The following PMS1 variants were observed in gnomAD, a reference collection of about 807,000 sequenced individuals.
PMS1 encodes PMS1 protein homolog 1.
PMS1 carries 79 observed loss-of-function variants against 93.1 expected under a neutral mutation model. That is an observed-to-expected ratio of 0.85 (90% CI 0.71 to 1.02). The LOEUF is 1.02. PMS1 is among the 50% of genes least tolerant of loss of function. The probability of loss-of-function intolerance (pLI) is 0.00; values close to 1 mark genes in which losing one functional copy is unlikely to be tolerated. For synonymous variants in PMS1, 335 were observed against 363.4 expected, an observed-to-expected ratio of 0.92 and a Z score of 0.89; for missense variants, 1,064 against 1,085.3, an observed-to-expected ratio of 0.98 and a Z score of 0.28.
In PMS1 at chr2:189,864,073, T is replaced by A. The variant is rs1336704986; in HGVS notation, c.2187T>A (p.Asn729Lys). 6.2e-7 allele frequency: 1 copy of A among 1,613,628 alleles called. No individual in the cohort carries two copies. The highest frequency in any genetic ancestry group is 8.5e-7 in the Non-Finnish European group (1 of 1,179,674). The part of the protein sequence containing the change: ...EEKDEPCLIH[N>K]LRFPDAWLMT... ...AGGATGAACCTTGCTTGATCCACAA[T>A]CTCAGGTTTCCTGATGCATGGCTAA... The change falls in exon 10 of 13, where the codon AAT becomes AAA. Residue 729 changes from asparagine to lysine, a missense_variant. Physicochemically the swap from Asn to Lys is moderately conservative, Grantham distance 94. Transcript: ENST00000441310.
At chr2:189,821,456 CAA>C (rs779436688) in intron 5 of PMS1, among the ~76,000 whole-genome samples, 12 of 91,956 alleles carry the variant, frequency 1.3e-4, no homozygotes, top group Non-Finnish European at 9.9e-5. Flanking sequence ...GACTCCGTCT[CAA>C]AAAAAAAAAA....
intron 1 of PMS1, among the ~76,000 whole-genome samples, chr2:189,786,741 C>A (rs1033815740): frequency 1.3e-5 from 2 of 152,108 alleles, no homozygotes; most frequent in Non-Finnish European, 2.9e-5. Context: ...TATTATCAAA[C>A]AAGAAATATA....
chr2:189,822,662 C>T (rs537645312), intron 5 of PMS1, among the ~76,000 whole-genome samples: 118 of 152,236 alleles, frequency 7.8e-4, no homozygotes, highest in African/African-American at 2.6e-3. Flanking sequence ...AAGATGTTGT[C>T]GTTAGTGATG....
intron 9 of PMS1, among the ~76,000 whole-genome samples, chr2:189,859,672 A>AT (rs1289260748): frequency 1.3e-5 from 2 of 151,538 alleles, no homozygotes; most frequent in South Asian, 2.1e-4. Flanking sequence ...ACCCAGTGTA[A>AT]TTTTTTTTTA....
At chr2:189,786,998 A>G (rs1311466948) in intron 1 of PMS1, among the ~76,000 whole-genome samples, 1 of 152,204 alleles carries the variant, frequency 6.6e-6, no homozygotes, top group Admixed American at 6.5e-5. Context: ...GGCTGCAGTG[A>G]GCGGAGATTG....
chr2:189,847,390 T>A (rs983776810), intron 6 of PMS1, among the ~76,000 whole-genome samples: 1 of 152,150 alleles, frequency 6.6e-6, no homozygotes, highest in African/African-American at 2.4e-5. Context: ...TTTTCTCCTA[T>A]TGTTTTTTCT....
chr2:189,813,717 A>T (rs1308117611), intron 4 of PMS1, among the ~76,000 whole-genome samples: 1 of 152,234 alleles, frequency 6.6e-6, no homozygotes, highest in African/African-American at 2.4e-5. Context: ...ATTGAAATTG[A>T]TGGCACCAGA....
At chr2:189,827,485 TC>T (rs2052535678) in intron 5 of PMS1, among the ~76,000 whole-genome samples, 1 of 152,246 alleles carries the variant, frequency 6.6e-6, no homozygotes, top group Admixed American at 6.5e-5. Context: ...ACTTAGAAGT[TC>T]TACTGAGTTC....
rs1313910202 is a variant in PMS1 at position 189,844,081 on chromosome 2, G to T, written c.699+1G>T. On this transcript the variant is annotated splice_donor_variant, in intron 6 of 12. Transcript: ENST00000441310. LOFTEE classifies it high-confidence loss of function. Reference sequence around the variant, plus strand: ...TCAGTACCACTCTGAAGAATCTCAGGTATACTGCAAAAACATTCTCAGATA... The same window carrying T: ...TCAGTACCACTCTGAAGAATCTCAGTTATACTGCAAAAACATTCTCAGATA... 1.2e-6 allele frequency: 2 copies of T among 1,613,458 alleles called. No individual in the cohort carries two copies. Among genetic ancestry groups the T allele is most frequent in the Non-Finnish European group, 1.7e-6 (2 of 1,179,872 alleles).
rs912051705 is a variant in PMS1 at position 189,818,160 on chromosome 2, A to T, written c.562A>T (p.Ile188Phe). The change falls in exon 5 of 13, where the codon ATT (isoleucine) becomes TTT (phenylalanine). Residue 188 changes from isoleucine (I) to phenylalanine (F), a missense_variant. Transcript: ENST00000441310. ...SFGILKPDLR[I>F]VFVHNKAVIW... ...TGGTATCCTTAAACCTGACTTAAGGATTGTCTTTGTACATAACAAGGTAAA... is the reference window on the plus strand; with the variant it reads ...TGGTATCCTTAAACCTGACTTAAGGTTTGTCTTTGTACATAACAAGGTAAA... 30 of 1,600,934 alleles carry T rather than the reference A, an allele frequency of 1.9e-5. No homozygotes were observed. The highest frequency in any genetic ancestry group is 2.6e-5 in the Non-Finnish European group (30 of 1,168,888).
intron 5 of PMS1, among the ~76,000 whole-genome samples, chr2:189,819,735 T>A (rs2051660733): frequency 6.6e-6 from 1 of 152,198 alleles, no homozygotes; most frequent in South Asian, 2.1e-4. Context: ...TTTGTTTTTG[T>A]TTTTTGAGCT....
At chr2:189,871,277 A>C (rs1164744798) in intron 11 of PMS1, among the ~76,000 whole-genome samples, 2 of 152,200 alleles carry the variant, frequency 1.3e-5, no homozygotes, top group Admixed American at 1.3e-4. Flanking sequence ...TGGGCCACAC[A>C]TAAAATATAC....
At chr2:189,807,123 T>G in intron 4 of PMS1, 1 of 171,650 alleles carries the variant, frequency 5.8e-6, no homozygotes, top group East Asian at 1.1e-4. Flanking sequence ...CCAAATTCTC[T>G]CACTCATTCA....
In PMS1 at chr2:189,867,873, C is replaced by G. The variant is rs55859858; in HGVS notation, c.2417C>G (p.Thr806Ser). Residue 806 changes from threonine (T) to serine (S), a missense_variant, in exon 11 of 13, where the codon ACT becomes AGT. Physicochemically the swap from Thr to Ser is moderately conservative, Grantham distance 58. Transcript: ENST00000441310. Reference protein sequence around the residue: ...TADDQRYSGSTYLSDPRLTAN... With the variant: ...TADDQRYSGSSYLSDPRLTAN... ...GATGACCAAAGATACAGTGGATCAA[C>G]TTACCTGTCTGATCCTCGTCTTACA... 2,007 of 1,596,392 alleles carry G rather than the reference C, an allele frequency of 1.3e-3. 29 individuals carry two copies. The African/African-American group carries it at 0.022, about 17-fold the overall frequency.
rs576983064 is a variant in PMS1 at position 189,865,448 on chromosome 2, G to A, written c.2342+1220G>A. 4.6e-5 allele frequency among the ~76,000 whole-genome samples: 7 copies of A among 152,192 alleles called. No individual in the cohort carries two copies. The South Asian group carries it at 1.5e-3, about 32-fold the overall frequency. On this transcript the variant is annotated intron_variant, in intron 10 of 12. Coordinates refer to ENST00000441310, the MANE Select transcript of PMS1 (RefSeq NM_000534.5). ...TCTGATGAATCTACTTAATAGGTTG[G>A]CTATATGCTTCATATTTCATCACAT...
intron 11 of PMS1, among the ~76,000 whole-genome samples, chr2:189,872,063 C>T (rs2057196641): frequency 6.6e-6 from 1 of 152,066 alleles, no homozygotes; most frequent in African/African-American, 2.4e-5. Flanking sequence ...TGCCCCATGA[C>T]CCAATGCACC....
At chr2:189,802,003 C>T (rs896934172) in intron 3 of PMS1, among the ~76,000 whole-genome samples, 1 of 152,186 alleles carries the variant, frequency 6.6e-6, no homozygotes, top group Non-Finnish European at 1.5e-5. Context: ...TTCTAATTCT[C>T]ACCAAATGTC....
chr2:189,837,773 T>C (rs1384047790), intron 5 of PMS1, among the ~76,000 whole-genome samples: 1 of 152,078 alleles, frequency 6.6e-6, no homozygotes, highest in Non-Finnish European at 1.5e-5. Flanking sequence ...AGCCAAAAAG[T>C]AGAAACAACT....
At chr2:189,825,529 G>A (rs2052354598) in intron 5 of PMS1, among the ~76,000 whole-genome samples, 1 of 152,134 alleles carries the variant, frequency 6.6e-6, no homozygotes, top group Admixed American at 6.5e-5. Flanking sequence ...TAGACCACTA[G>A]TTCAGAACAT....
Sources: gnomAD v4.1 joint callset for allele counts (sites outside exome capture counted in the v4.1 genomes callset) on GRCh38, gnomAD v4.1.1 for gene constraint, MANE v1.5 for transcripts, NCBI Gene and HGNC (gene_info 2026-07-23, HGNC 2026-07-21) for gene names.